Variants in MN1 observed in about 807,000 individuals in gnomAD.
MN1 encodes transcriptional activator MN1.
A neutral mutation model predicts 86.9 loss-of-function variants in MN1; 19 were observed. The ratio of observed to expected loss-of-function variants is 0.22; its 90% CI spans 0.15 to 0.32. The LOEUF is 0.32. Among genes scored for constraint, MN1 ranks in the 10% least tolerant of loss-of-function variants. The probability of loss-of-function intolerance (pLI) is 1.00; values close to 1 mark genes in which losing one functional copy is unlikely to be tolerated. For missense variants in MN1, 1,841 were observed against 1,862.0 expected, an observed-to-expected ratio of 0.99 and a Z score of 0.21; for synonymous variants, 928 against 849.6, an observed-to-expected ratio of 1.09 and a Z score of -1.60.
chr22:27,795,713 C>CTA (rs200132640), intron 1 of MN1, among the ~76,000 whole-genome samples: 4,023 of 141,514 alleles, frequency 0.028, 203 homozygotes, highest in African/African-American at 0.099. Flanking sequence ...ATATATACAC[C>CTA]TATATATATA....
chr22:27,765,643 G>A (rs1484554969), intron 1 of MN1, among the ~76,000 whole-genome samples: 17 of 152,234 alleles, frequency 1.1e-4, no homozygotes, highest in East Asian at 1.9e-4. Context: ...GACAGTGACC[G>A]GCCGGGCAAG....
At chr22:27,792,232 T>C (rs1238103372) in intron 1 of MN1, among the ~76,000 whole-genome samples, 1 of 150,562 alleles carries the variant, frequency 6.6e-6, no homozygotes, top group Non-Finnish European at 1.5e-5. Context: ...TTATTTCCGG[T>C]CTGAAGGGGC....
At chr22:27,756,717 G>C (rs1031428666) in intron 1 of MN1, among the ~76,000 whole-genome samples, 5 of 152,124 alleles carry the variant, frequency 3.3e-5, no homozygotes, top group African/African-American at 1.2e-4. Flanking sequence ...TCAAAAAAAG[G>C]GTAGCTGCTC....
chr22:27,801,687 G>A lies in MN1; in HGVS notation c.-1144C>T, dbSNP rs1933446880. Among the ~76,000 whole-genome samples, 2 of 152,304 alleles carry A rather than the reference G, an allele frequency of 1.3e-5. No individual in the cohort carries two copies. Among genetic ancestry groups the A allele is most frequent in the South Asian group, 4.1e-4 (2 of 4,822 alleles). On this transcript the variant is annotated 5_prime_UTR_variant, in exon 1 of 2. Coordinates refer to ENST00000302326, the MANE Select transcript of MN1 (RefSeq NM_002430.3). The stretch of plus-strand genomic sequence containing the variant: ...CCCGACTAGCGGGGGGGCTCTGCGT[G>A]GGGCGTTCCGAGGGTCTCGGCTCCC...
chr22:27,795,616 AG>A (rs1186146818), intron 1 of MN1, among the ~76,000 whole-genome samples: 1 of 152,156 alleles, frequency 6.6e-6, no homozygotes, highest in Admixed American at 6.5e-5. Context: ...ATAGTTTAAA[AG>A]AAAGACATAG....
In MN1 at chr22:27,800,784, C is replaced by G; in HGVS notation, c.-241G>C. On this transcript the variant is annotated 5_prime_UTR_variant, in exon 1 of 2. Coordinates refer to ENST00000302326, the MANE Select transcript of MN1 (RefSeq NM_002430.3). ...CTCACATCTTGCGAGGCCGCGGGGC[C>G]TCTAGGAGCCGTGTTGGGGGGCCCA... 1 of 586,722 alleles carries G rather than the reference C, an allele frequency of 1.7e-6. No individual in the cohort carries two copies. Among genetic ancestry groups the G allele is most frequent in the Non-Finnish European group, 3.0e-6 (1 of 334,320 alleles). 36.3% of individuals were successfully genotyped at this position (586,722 alleles called of 1,614,324 possible).
intron 1 of MN1, among the ~76,000 whole-genome samples, chr22:27,779,996 C>T (rs1254430866): frequency 6.6e-6 from 1 of 152,168 alleles, no homozygotes; most frequent in African/African-American, 2.4e-5. Flanking sequence ...GACCCCAGCA[C>T]CCTGTCCTAG....
chr22:27,754,931 G>C (rs889065669), intron 1 of MN1, among the ~76,000 whole-genome samples: 4 of 152,180 alleles, frequency 2.6e-5, no homozygotes, highest in African/African-American at 4.8e-5. Context: ...ATCAGACTGT[G>C]GCCATGTGGA....
At position 27,798,705 on chromosome 22, in the gene MN1, C is replaced by A; in HGVS notation, c.1839G>T (p.Gly613=). 6.5e-7 allele frequency: 1 copy of A among 1,535,284 alleles called. No individual in the cohort carries two copies. The highest frequency in any genetic ancestry group is 1.4e-5 in the African/African-American group (1 of 73,030). The change falls in exon 1 of 2, where the codon GGG becomes GGT. Residue 613 remains glycine (G), a synonymous_variant. Transcript: ENST00000302326. ...CCTGCTGCTCGAAGGTGCCCAGACG[C>A]CCGGCGCCCGTGCTGCCGCCTTCGC... ...FEREGGSTGA[G]RLGTFEQQAP...
rs1238829233 is a variant in MN1, at chr22:27,800,376, G to A, written c.168C>T (p.Gly56=). The change falls in exon 1 of 2, where the codon GGC becomes GGT. Residue 56 remains glycine, a synonymous_variant. Coordinates refer to ENST00000302326, the MANE Select transcript of MN1 (RefSeq NM_002430.3). ...GPVDPAMSAL[G]EPPILGMNME... ...TGTTCATGCCCAAGATCGGGGGTTC[G>A]CCCAGCGCGCTCATAGCAGGATCCA... 6.2e-7 allele frequency: 1 copy of A among 1,611,278 alleles called. No homozygotes were observed. The highest frequency in any genetic ancestry group is 1.7e-5 in the Admixed American group (1 of 59,782).
rs1282678424 is a variant in MN1, at chr22:27,796,936, C to T, written c.3608G>A (p.Cys1203Tyr). The T allele has an allele frequency of 3.1e-6, 5 of 1,612,638 alleles. No homozygotes were observed. The South Asian group carries it at 5.5e-5, about 18-fold the overall frequency. Residue 1203 changes from cysteine (C) to tyrosine (Y), a missense_variant, in exon 1 of 2, where the codon TGC (cysteine) becomes TAC (tyrosine). By Grantham distance (194) the Cys-to-Tyr change is radical. Transcript: ENST00000302326. ...CATGGCGCTCTTGACCGCCTCGGAG[C>T]AGCAGCTGCCCAGCTCGCTGTCGCC... The part of the protein sequence containing the change: ...QNGDSELGSC[C>Y]SEAVKSAMST...
chr22:27,796,758 T>C lies in MN1; in HGVS notation c.3781+5A>G, dbSNP rs745980416. Reference sequence around the variant, plus strand: ...GAAGTGAGAGGAAAACGAGTGTGCATATACCTTCTTTGCTGTTGGGGTTCT... The same window carrying C: ...GAAGTGAGAGGAAAACGAGTGTGCACATACCTTCTTTGCTGTTGGGGTTCT... On this transcript the variant is annotated splice_donor_5th_base_variant and intron_variant, in intron 1 of 1. Transcript: ENST00000302326. 4 of 1,590,080 alleles carry C rather than the reference T, an allele frequency of 2.5e-6. No homozygotes were observed. The highest frequency in any genetic ancestry group is 8.5e-7 in the Non-Finnish European group (1 of 1,172,228).
intron 1 of MN1, among the ~76,000 whole-genome samples, chr22:27,776,001 G>A (rs577451532): frequency 2.6e-5 from 4 of 152,328 alleles, no homozygotes; most frequent in South Asian, 4.1e-4. Flanking sequence ...AAGGGAGGGG[G>A]AGCCACAAGG....
In MN1 at chr22:27,796,906, G is replaced by T; in HGVS notation, c.3638C>A (p.Thr1213Asn). 1 of 1,613,060 alleles carries T rather than the reference G, an allele frequency of 6.2e-7. No individual in the cohort carries two copies. Among genetic ancestry groups the T allele is most frequent in the Non-Finnish European group, 8.5e-7 (1 of 1,179,994 alleles). The change falls in exon 1 of 2, where the codon ACC becomes AAC. Residue 1213 changes from threonine (T) to asparagine (N), a missense_variant. Physicochemically the swap from Thr to Asn is moderately conservative, Grantham distance 65. Coordinates refer to ENST00000302326, the MANE Select transcript of MN1 (RefSeq NM_002430.3). ...CSEAVKSAMSTIDLDSLMAEH... is the reference protein window; with the variant it reads ...CSEAVKSAMSNIDLDSLMAEH... ...TGCCATCAGCGAGTCCAGGTCAATGGTGCTCATGGCGCTCTTGACCGCCTC... is the reference window on the plus strand; with the variant it reads ...TGCCATCAGCGAGTCCAGGTCAATGTTGCTCATGGCGCTCTTGACCGCCTC...
At chr22:27,767,282 GC>G (rs1035377369) in intron 1 of MN1, among the ~76,000 whole-genome samples, 3 of 152,168 alleles carry the variant, frequency 2.0e-5, no homozygotes, top group African/African-American at 7.2e-5. Context: ...CTGAAAAGGA[GC>G]TTTTCAAGGC....
At chr22:27,766,516 T>C (rs1932871154) in intron 1 of MN1, among the ~76,000 whole-genome samples, 1 of 152,050 alleles carries the variant, frequency 6.6e-6, no homozygotes, top group Admixed American at 6.6e-5. Context: ...TCTGTCAAAT[T>C]TTCTCCAGAC....
At chr22:27,791,745 A>G (rs1031336410) in intron 1 of MN1, 1 of 152,192 alleles carries the variant, frequency 6.6e-6, no homozygotes, top group African/African-American at 2.4e-5. Flanking sequence ...AGTATTCCTT[A>G]CCAAGAGTGT....
chr22:27,797,873 C>T lies in MN1; in HGVS notation c.2671G>A (p.Gly891Arg). ...CTGCTACTGGTCCCGGACGGGCCTC[C>T]GGGTCCTGGGGCCCCAGGAGCAGTC... ...GGTAPGAPGPGGPSGTSSSGS... is the reference protein window; with the variant it reads ...GGTAPGAPGPRGPSGTSSSGS... The change falls in exon 1 of 2, where the codon GGA becomes AGA. Residue 891 changes from glycine (G) to arginine (R), a missense_variant. Physicochemically the swap from Gly to Arg is moderately radical, Grantham distance 125. Coordinates refer to ENST00000302326, the MANE Select transcript of MN1 (RefSeq NM_002430.3). 2 of 1,590,832 alleles carry T rather than the reference C, an allele frequency of 1.3e-6. No individual in the cohort carries two copies. The highest frequency in any genetic ancestry group is 1.1e-5 in the South Asian group (1 of 88,988).
chr22:27,800,573 G>A lies in MN1; in HGVS notation c.-30C>T, dbSNP rs1184575210. Reference sequence around the variant, plus strand: ...GGCGGGGGGCAGAGGGGGATCAATAGGGCATGACAGCCGGCTCTCCGCGGC... The same window carrying A: ...GGCGGGGGGCAGAGGGGGATCAATAAGGCATGACAGCCGGCTCTCCGCGGC... On this transcript the variant is annotated 5_prime_UTR_variant, in exon 1 of 2. Coordinates refer to ENST00000302326, the MANE Select transcript of MN1 (RefSeq NM_002430.3). The A allele has an allele frequency of 1.9e-6, 3 of 1,613,196 alleles. No individual in the cohort carries two copies. The highest frequency in any genetic ancestry group is 2.5e-6 in the Non-Finnish European group (3 of 1,179,952).
Sources: allele counts gnomAD v4.1 joint callset (sites outside exome capture counted in the v4.1 genomes callset), GRCh38; gene constraint gnomAD v4.1.1; transcripts MANE v1.5; gene names NCBI Gene and HGNC (gene_info 2026-07-23, HGNC 2026-07-21).